LTBP1: variants seen among roughly 807,000 people sequenced by gnomAD.
LTBP1 encodes the protein latent-transforming growth factor beta-binding protein 1.
A neutral mutation model predicts 207.6 loss-of-function variants in LTBP1; 129 were observed. The ratio of observed to expected loss-of-function variants is 0.62; its 90% CI spans 0.54 to 0.72. The LOEUF (loss-of-function observed/expected upper bound fraction) is 0.72, where lower values mean the gene tolerates loss of function less well. Among genes scored for constraint, LTBP1 ranks in the 30% least tolerant of loss-of-function variants. The probability of loss-of-function intolerance (pLI) is 0.00; values close to 1 mark genes in which losing one functional copy is unlikely to be tolerated. For synonymous variants in LTBP1, 963 were observed against 833.7 expected, an observed-to-expected ratio of 1.16 and a Z score of -2.67; for missense variants, 2,281 against 2,217.2, an observed-to-expected ratio of 1.03 and a Z score of -0.58.
At chr2:33,138,083 T>C (rs1345159308) in intron 5 of LTBP1, among the ~76,000 whole-genome samples, 2 of 152,142 alleles carry the variant, frequency 1.3e-5, no homozygotes, top group Non-Finnish European at 2.9e-5. Context: ...CTAATAGATA[T>C]GTGGAGGTTG....
intron 2 of LTBP1, among the ~76,000 whole-genome samples, chr2:33,005,361 G>A (rs113596890): frequency 6.6e-6 from 1 of 152,152 alleles, no homozygotes; most frequent in South Asian, 2.1e-4. Context: ...CTAGTTGGGA[G>A]CTTAGCTGGG....
At chr2:33,055,750 A>G (rs117620303) in intron 3 of LTBP1, among the ~76,000 whole-genome samples, 1 of 152,138 alleles carries the variant, frequency 6.6e-6, no homozygotes, top group Non-Finnish European at 1.5e-5. Flanking sequence ...GTCTGCCTTC[A>G]TCTGCTTTAA....
chr2:32,949,521 AGT>A (rs1264148249), intron 2 of LTBP1, among the ~76,000 whole-genome samples: 1 of 152,236 alleles, frequency 6.6e-6, no homozygotes, highest in African/African-American at 2.4e-5. Flanking sequence ...CATGCCCAGC[AGT>A]GTTTTTTAAA....
intron 3 of LTBP1, among the ~76,000 whole-genome samples, chr2:33,109,463 T>A (rs577085952): frequency 1.3e-5 from 2 of 152,360 alleles, no homozygotes; most frequent in South Asian, 4.1e-4. Flanking sequence ...TTGGTATATC[T>A]TCTTTATATT....
chr2:33,067,601 A>C (rs1418586991), intron 3 of LTBP1, among the ~76,000 whole-genome samples: 2 of 152,224 alleles, frequency 1.3e-5, no homozygotes, highest in Non-Finnish European at 2.9e-5. Context: ...CTTTTTGATC[A>C]TTATTCTCTA....
chr2:33,357,597 A>G lies in LTBP1; in HGVS notation c.4001-3000A>G, dbSNP rs139971957. ...TGGATCACATGAAAAGGCCTCTGTAAAAGTTCCTACAGAAAAAAACATAGA... is the reference window on the plus strand; with the variant it reads ...TGGATCACATGAAAAGGCCTCTGTAGAAGTTCCTACAGAAAAAAACATAGA... On this transcript the variant is annotated intron_variant, in intron 26 of 33. Transcript: ENST00000404816. 5.1e-4 allele frequency among the ~76,000 whole-genome samples: 77 copies of G among 152,300 alleles called. 1 individual carries two copies. Among genetic ancestry groups the G allele is most frequent in the African/African-American group, 1.8e-3 (73 of 41,568 alleles).
intron 13 of LTBP1, 150 bp downstream of exon 13, chr2:33,259,760 A>G: frequency 1.6e-6 from 1 of 617,378 alleles, no homozygotes; most frequent in Non-Finnish European, 2.6e-6. Context: ...GTTATTCCAA[A>G]AAAATTTATT....
chr2:33,194,776 T>G (rs2088349774), intron 7 of LTBP1, among the ~76,000 whole-genome samples: 1 of 152,252 alleles, frequency 6.6e-6, no homozygotes, highest in Non-Finnish European at 1.5e-5. Context: ...GCCTTATACC[T>G]GAAGAAGATG....
At chr2:33,210,987 C>T (rs569054507) in intron 7 of LTBP1, among the ~76,000 whole-genome samples, 4 of 152,226 alleles carry the variant, frequency 2.6e-5, no homozygotes, top group South Asian at 4.2e-4. Flanking sequence ...ATCACTTTAA[C>T]GTTTTGGGTT....
At chr2:33,246,765 C>T (rs2092528242) in intron 10 of LTBP1, among the ~76,000 whole-genome samples, 1 of 152,162 alleles carries the variant, frequency 6.6e-6, no homozygotes. Flanking sequence ...TTGACTGCAG[C>T]CAAAGGTTGC....
At chr2:33,187,405 G>C (rs1030953577) in intron 6 of LTBP1, among the ~76,000 whole-genome samples, 2 of 152,164 alleles carry the variant, frequency 1.3e-5, no homozygotes, top group African/African-American at 4.8e-5. Flanking sequence ...GAGCAAGACA[G>C]TGTTCTGGCC....
rs556734676 is a variant in LTBP1 at position 33,231,809 on chromosome 2, C to T, written c.1876+9658C>T. On this transcript the variant is annotated intron_variant, in intron 9 of 33. Transcript: ENST00000404816. ...TATAATTAATCGAACCATTTGCATG[C>T]AATTAATTATGGGCTTTGTGATACG... Among the ~76,000 whole-genome samples, 5 of 152,224 alleles carry T rather than the reference C, an allele frequency of 3.3e-5. No individual in the cohort carries two copies. In the South Asian group the frequency reaches 6.2e-4, roughly 19 times the overall value.
intron 6 of LTBP1, among the ~76,000 whole-genome samples, chr2:33,188,295 C>A (rs2087430973): frequency 1.3e-5 from 2 of 151,878 alleles, no homozygotes; most frequent in Admixed American, 1.3e-4. Context: ...GTGGTGGGCA[C>A]CTGTAATCCC....
intron 10 of LTBP1, among the ~76,000 whole-genome samples, chr2:33,246,658 A>G (rs887435306): frequency 3.9e-5 from 6 of 152,024 alleles, no homozygotes; most frequent in African/African-American, 1.5e-4. Flanking sequence ...GGTGTGGCTG[A>G]CTCTCTGAAC....
chr2:33,275,794 T>G lies in LTBP1; in HGVS notation c.2870-7T>G. On this transcript the variant is annotated splice_polypyrimidine_tract_variant and splice_region_variant and intron_variant, in intron 17 of 33. Transcript: ENST00000404816. ...CAAAACTCAACAATGCTATCTGCTC[T>G]TCGTAGATGTTGACGAATGCCTGAG... 7 of 1,614,110 alleles carry G rather than the reference T, an allele frequency of 4.3e-6. No homozygotes were observed. Among genetic ancestry groups the G allele is most frequent in the Non-Finnish European group, 5.9e-6 (7 of 1,179,922 alleles).
intron 31 of LTBP1, 32 bp from the exon 32 acceptor site, chr2:33,389,152 G>A (rs2150572941): frequency 6.2e-7 from 1 of 1,613,732 alleles, no homozygotes; most frequent in Non-Finnish European, 8.5e-7. Context: ...GCTAACAGTG[G>A]TGGGGCCTCA....
chr2:33,175,323 C>G (rs1291032574), intron 5 of LTBP1, among the ~76,000 whole-genome samples: 6 of 151,788 alleles, frequency 4.0e-5, no homozygotes, highest in Non-Finnish European at 8.8e-5. Flanking sequence ...AAAAAACAAC[C>G]CCATCAAAAA....
intron 3 of LTBP1, among the ~76,000 whole-genome samples, chr2:33,085,048 TTAGAAGACACAGAA>T (rs1390535640): frequency 6.6e-6 from 1 of 152,196 alleles, no homozygotes; most frequent in East Asian, 1.9e-4. Flanking sequence ...GCAAGTGCCC[TTAGAAGACACAGAA>T]GAGAAGACAC....
chr2:33,364,278 T>A lies in LTBP1; in HGVS notation c.4462T>A (p.Ser1488Thr), dbSNP rs768110815. The change falls in exon 30 of 34, where the codon TCT (serine) becomes ACT (threonine). Residue 1488 changes from serine (S) to threonine (T), a missense_variant. Ser to Thr is a moderately conservative substitution (Grantham distance 58). Transcript: ENST00000404816. ...IDGQCVNTEG[S>T]YNCFCTHPMV... ...TGGCCAGTGTGTTAATACAGAGGGCTCTTACAACTGCTTCTGTACTCACCC... is the reference window on the plus strand; with the variant it reads ...TGGCCAGTGTGTTAATACAGAGGGCACTTACAACTGCTTCTGTACTCACCC... 1.2e-6 allele frequency: 2 copies of A among 1,613,962 alleles called. No homozygotes were observed. The highest frequency in any genetic ancestry group is 2.2e-5 in the South Asian group (2 of 91,072).
Sources: gnomAD v4.1 joint callset for allele counts (sites outside exome capture counted in the v4.1 genomes callset) on GRCh38, gnomAD v4.1.1 for gene constraint, MANE v1.5 for transcripts, NCBI Gene and HGNC (gene_info 2026-07-23, HGNC 2026-07-21) for gene names.